The following CTNNA2 variants were observed in gnomAD, a reference collection of about 807,000 sequenced individuals.
CTNNA2 encodes the protein catenin alpha-2.
In CTNNA2, 42 loss-of-function variants were observed where a neutral mutation model predicts 101.0. The observed-to-expected ratio is 0.42, with a 90% CI of 0.32 to 0.54. The LOEUF (loss-of-function observed/expected upper bound fraction) is 0.54. Ranked by LOEUF, CTNNA2 falls within the 20% of genes least tolerant of loss-of-function variation. The pLI is 0.14. For synonymous variants in CTNNA2, 450 were observed against 456.4 expected (o/e 0.99, Z 0.18); for missense variants, 871 against 1,223.1 (o/e 0.71, Z 4.29).
intron 1 of CTNNA2, among the ~76,000 whole-genome samples, chr2:79,185,777 T>G (rs989039123): frequency 1.3e-5 from 2 of 152,070 alleles, no homozygotes; most frequent in Admixed American, 1.3e-4. Context: ...ACTGGTCATT[T>G]GGGGATGTTA....
At chr2:80,301,220 T>G (rs978925593) in intron 7 of CTNNA2, among the ~76,000 whole-genome samples, 3 of 152,210 alleles carry the variant, frequency 2.0e-5, no homozygotes, top group Non-Finnish European at 2.9e-5. Context: ...TGTCACTGTT[T>G]GGGAGCCTAA....
At chr2:80,541,483 G>T (rs1466746677) in intron 9 of CTNNA2, among the ~76,000 whole-genome samples, 2 of 152,092 alleles carry the variant, frequency 1.3e-5, no homozygotes, top group African/African-American at 4.8e-5. Context: ...TTAGGCCTAA[G>T]GAATAATAGA....
At chr2:79,199,703 A>T (rs955236839) in intron 2 of CTNNA2, among the ~76,000 whole-genome samples, 2 of 152,140 alleles carry the variant, frequency 1.3e-5, no homozygotes, top group Non-Finnish European at 2.9e-5. Context: ...TACTTCTCAC[A>T]GTTCTGGAGT....
chr2:80,629,041 A>G (rs1277994898), intron 18 of CTNNA2, among the ~76,000 whole-genome samples: 3 of 152,184 alleles, frequency 2.0e-5, no homozygotes, highest in Non-Finnish European at 4.4e-5. Flanking sequence ...AGTTATTGTT[A>G]GGATTAATGG....
intron 7 of CTNNA2, among the ~76,000 whole-genome samples, chr2:79,951,440 A>G (rs992802630): frequency 4.6e-5 from 7 of 152,036 alleles, no homozygotes; most frequent in African/African-American, 1.7e-4. Context: ...GCTGAGGTGG[A>G]CGGATCACTT....
intron 15 of CTNNA2, among the ~76,000 whole-genome samples, chr2:80,602,277 C>T (rs1469366214): frequency 6.6e-6 from 1 of 151,822 alleles, no homozygotes; most frequent in African/African-American, 2.4e-5. Context: ...CATTCTTTGT[C>T]TACAATATGG....
chr2:79,676,332 G>C (rs1573645002), intron 2 of CTNNA2, among the ~76,000 whole-genome samples: 1 of 152,288 alleles, frequency 6.6e-6, no homozygotes, highest in African/African-American at 2.4e-5. Flanking sequence ...AGGGCAATGA[G>C]GGGCTGACTT....
chr2:79,304,908 A>T (rs921074820), intron 2 of CTNNA2, among the ~76,000 whole-genome samples: 4 of 152,194 alleles, frequency 2.6e-5, no homozygotes, highest in African/African-American at 7.2e-5. Context: ...ATACCAACTG[A>T]TCTTATCCGC....
At chr2:79,296,010 G>A (rs1005709921) in intron 2 of CTNNA2, among the ~76,000 whole-genome samples, 1 of 128,428 alleles carries the variant, frequency 7.8e-6, no homozygotes, top group South Asian at 2.3e-4. Flanking sequence ...CAGAAATTTT[G>A]TATTCTCTTC....
intron 7 of CTNNA2, among the ~76,000 whole-genome samples, chr2:80,157,069 A>C (rs1012901715): frequency 4.6e-5 from 7 of 152,184 alleles, no homozygotes; most frequent in Non-Finnish European, 1.0e-4. Context: ...TCACTGGCTA[A>C]GATATACACT....
chr2:79,937,039 A>G, intron 7 of CTNNA2, among the ~76,000 whole-genome samples: 1 of 152,210 alleles, frequency 6.6e-6, no homozygotes, highest in East Asian at 1.9e-4. Flanking sequence ...TGACCTCCAG[A>G]TGTCTTTTTA....
chr2:80,375,954 A>G (rs1480297214), intron 7 of CTNNA2, among the ~76,000 whole-genome samples: 1 of 151,622 alleles, frequency 6.6e-6, no homozygotes, highest in African/African-American at 2.4e-5. Flanking sequence ...TCCTCTAAGT[A>G]CCTCCTATTT....
chr2:79,602,859 ATATAG>A (rs922609679), intron 1 of CTNNA2, among the ~76,000 whole-genome samples: 5 of 152,310 alleles, frequency 3.3e-5, no homozygotes, highest in Non-Finnish European at 5.9e-5. Context: ...AGAGAAATCA[ATATAG>A]TAAAGATGTC....
chr2:79,379,652 A>G (rs1678017912), intron 4 of CTNNA2, among the ~76,000 whole-genome samples: 1 of 152,224 alleles, frequency 6.6e-6, no homozygotes, highest in Admixed American at 6.5e-5. Flanking sequence ...CTTGTCCAAC[A>G]ATTTACTTGA....
chr2:79,651,919 T>C (rs1459204663), intron 2 of CTNNA2, among the ~76,000 whole-genome samples: 1 of 152,170 alleles, frequency 6.6e-6, no homozygotes, highest in Non-Finnish European at 1.5e-5. Context: ...GGGGCCCTCA[T>C]TTACGGTAAT....
chr2:79,556,553 C>T (rs1247242715), intron 1 of CTNNA2, among the ~76,000 whole-genome samples: 1 of 152,038 alleles, frequency 6.6e-6, no homozygotes, highest in Admixed American at 6.6e-5. Context: ...TTCTTAGTTA[C>T]ATTGTTGTGC....
intron 11 of CTNNA2, among the ~76,000 whole-genome samples, chr2:80,551,867 T>C (rs1315425851): frequency 6.6e-6 from 1 of 152,220 alleles, no homozygotes; most frequent in Non-Finnish European, 1.5e-5. Flanking sequence ...CTGTTTGGCC[T>C]CTCTTGACTT....
At chr2:79,415,543 G>C (rs1402673829) in intron 4 of CTNNA2, among the ~76,000 whole-genome samples, 2 of 152,094 alleles carry the variant, frequency 1.3e-5, no homozygotes, top group Non-Finnish European at 2.9e-5. Context: ...GGGGGAATGA[G>C]GAGACAGAAG....
chr2:80,459,381 C>T (rs1684243724), intron 9 of CTNNA2, among the ~76,000 whole-genome samples: 1 of 152,106 alleles, frequency 6.6e-6, no homozygotes, highest in Admixed American at 6.6e-5. Context: ...AGAAGGACCA[C>T]AGTTCACCTT....
Sources: allele counts gnomAD v4.1 joint callset (sites outside exome capture counted in the v4.1 genomes callset), GRCh38; gene constraint gnomAD v4.1.1; transcripts MANE v1.5; gene names NCBI Gene and HGNC (gene_info 2026-07-23, HGNC 2026-07-21).